The following SOX6 variants were observed in gnomAD, a reference collection of about 807,000 sequenced individuals.
The protein encoded by SOX6 is transcription factor SOX-6.
Under a neutral mutation model 97.8 loss-of-function variants are expected in SOX6, and 11 were observed. The ratio of observed to expected loss-of-function variants is 0.11; its 90% CI spans 0.07 to 0.19. The LOEUF (loss-of-function observed/expected upper bound fraction) is 0.19. SOX6 is among the 10% of genes least tolerant of loss of function. SOX6 has a pLI of 1.00. For synonymous variants in SOX6, 360 were observed against 371.4 expected, an observed-to-expected ratio of 0.97 and a Z score of 0.35; for missense variants, 810 against 1,039.5, an observed-to-expected ratio of 0.78 and a Z score of 3.04.
chr11:16,648,215 T>C (rs966839479), intron 3 of SOX6, among the ~76,000 whole-genome samples: 1 of 152,056 alleles, frequency 6.6e-6, no homozygotes, highest in South Asian at 2.1e-4. Flanking sequence ...ATGTGGGAGC[T>C]AGCTGAGGCC....
At chr11:16,158,443 C>T (rs1399869293) in intron 6 of SOX6, among the ~76,000 whole-genome samples, 5 of 151,972 alleles carry the variant, frequency 3.3e-5, no homozygotes, top group Non-Finnish European at 5.9e-5. Flanking sequence ...GATTTCTTTT[C>T]CCACATCTCC....
chr11:16,665,338 T>C (rs1384801860), intron 3 of SOX6, among the ~76,000 whole-genome samples: 1 of 152,120 alleles, frequency 6.6e-6, no homozygotes. Context: ...GTCCCAGGCC[T>C]GGTAGCATTC....
intron 5 of SOX6, among the ~76,000 whole-genome samples, chr11:16,185,906 C>T (rs1851460080): frequency 1.3e-5 from 2 of 152,034 alleles, no homozygotes; most frequent in African/African-American, 4.8e-5. Context: ...GCATATATTG[C>T]TCTATATACT....
chr11:16,623,031 T>C (rs1848567743), intron 3 of SOX6, among the ~76,000 whole-genome samples: 1 of 148,738 alleles, frequency 6.7e-6, no homozygotes, highest in South Asian at 2.1e-4. Flanking sequence ...ATGTTGAGCA[T>C]TTTTTTTTTA....
intron 7 of SOX6, among the ~76,000 whole-genome samples, chr11:16,099,936 A>G (rs1045141854): frequency 1.3e-5 from 2 of 151,858 alleles, no homozygotes; most frequent in African/African-American, 4.8e-5. Flanking sequence ...TCAACATTAA[A>G]AGTAAAAATG....
chr11:16,168,427 A>G (rs1353659359), intron 6 of SOX6, among the ~76,000 whole-genome samples: 1 of 152,122 alleles, frequency 6.6e-6, no homozygotes, highest in Non-Finnish European at 1.5e-5. Flanking sequence ...AGGGTCCTAG[A>G]ATTTTTTGTG....
chr11:16,372,215 G>C (rs573536846), intron 1 of SOX6, among the ~76,000 whole-genome samples: 2 of 151,982 alleles, frequency 1.3e-5, no homozygotes, highest in East Asian at 1.9e-4. Flanking sequence ...GTGAAAGCCA[G>C]GTAACTCAAG....
intron 3 of SOX6, among the ~76,000 whole-genome samples, chr11:16,258,812 G>A (rs957554462): frequency 2.0e-5 from 3 of 148,724 alleles, no homozygotes; most frequent in East Asian, 4.0e-4. Flanking sequence ...AGGGAGGGAC[G>A]GGCTATATAC....
intron 1 of SOX6, among the ~76,000 whole-genome samples, chr11:16,423,648 T>G (rs1859064228): frequency 6.6e-6 from 1 of 152,082 alleles, no homozygotes. Context: ...GGAGATTGAC[T>G]TAGGGGAAAG....
intron 3 of SOX6, chr11:16,318,175 C>G: frequency 2.1e-6 from 1 of 466,126 alleles, no homozygotes; most frequent in Non-Finnish European, 3.9e-6. Context: ...TTACCTTTTT[C>G]CAGAGTAGGA....
intron 6 of SOX6, among the ~76,000 whole-genome samples, chr11:16,136,969 C>T (rs1849982241): frequency 6.6e-6 from 1 of 152,180 alleles, no homozygotes; most frequent in Non-Finnish European, 1.5e-5. Context: ...TATCATGTTA[C>T]AAGTGATGAG....
intron 10 of SOX6, among the ~76,000 whole-genome samples, chr11:16,053,154 G>A (rs1359838882): frequency 6.6e-6 from 1 of 152,120 alleles, no homozygotes. Context: ...TTCCTGCATA[G>A]TTGCCTGGAA....
chr11:16,174,232 G>C (rs893362776), intron 6 of SOX6, among the ~76,000 whole-genome samples: 1 of 151,682 alleles, frequency 6.6e-6, no homozygotes, highest in African/African-American at 2.4e-5. Context: ...CATTTTAAGA[G>C]AAAAATTTTC....
chr11:16,289,972 A>C (rs1854862907), intron 3 of SOX6, among the ~76,000 whole-genome samples: 1 of 152,064 alleles, frequency 6.6e-6, no homozygotes, highest in African/African-American at 2.4e-5. Flanking sequence ...CTTTTAACAA[A>C]AAGTCTTTTA....
intron 2 of SOX6, among the ~76,000 whole-genome samples, chr11:16,340,794 TG>T (rs534266502): frequency 1.4e-3 from 214 of 152,216 alleles, no homozygotes; most frequent in African/African-American, 4.9e-3. Context: ...AATATATTAC[TG>T]GCACATTGAC....
chr11:16,697,980 G>C (rs529003322), intron 3 of SOX6, among the ~76,000 whole-genome samples: 2 of 152,302 alleles, frequency 1.3e-5, no homozygotes, highest in South Asian at 4.1e-4. Context: ...AGTAGATTTA[G>C]CATAATTCTT....
intron 6 of SOX6, among the ~76,000 whole-genome samples, chr11:16,126,059 A>G (rs1849604763): frequency 6.6e-6 from 1 of 152,126 alleles, no homozygotes; most frequent in Non-Finnish European, 1.5e-5. Context: ...GTTCCTTTCT[A>G]GAATATTCAG....
chr11:16,595,841 A>C (rs1217784156), intron 4 of SOX6, among the ~76,000 whole-genome samples: 1 of 152,160 alleles, frequency 6.6e-6, no homozygotes, highest in South Asian at 2.1e-4. Flanking sequence ...TCCCCATTGG[A>C]AAGTTATCAG....
At chr11:16,130,149 T>C (rs1373469557) in intron 6 of SOX6, among the ~76,000 whole-genome samples, 1 of 151,956 alleles carries the variant, frequency 6.6e-6, no homozygotes, top group African/African-American at 2.4e-5. Flanking sequence ...TTCTATATAC[T>C]AGTAATAAAC....
Sources: allele counts gnomAD v4.1 joint callset (sites outside exome capture counted in the v4.1 genomes callset), GRCh38; gene constraint gnomAD v4.1.1; transcripts MANE v1.5; gene names NCBI Gene and HGNC (gene_info 2026-07-23, HGNC 2026-07-21).